The following NTAQ1 variants were observed in gnomAD, a reference collection of about 807,000 sequenced individuals.
The protein encoded by NTAQ1 is protein N-terminal glutamine amidohydrolase.
Under a neutral mutation model 28.2 loss-of-function variants are expected in NTAQ1, and 21 were observed. The observed-to-expected ratio is 0.74, with a 90% CI of 0.53 to 1.07. The LOEUF is 1.07. NTAQ1 is among the 50% of genes least tolerant of loss of function. The pLI is 0.00. For synonymous variants in NTAQ1, 105 were observed against 90.0 expected (o/e 1.17, Z -0.94); for missense variants, 264 against 256.6 (o/e 1.03, Z -0.20).
intron 1 of NTAQ1, among the ~76,000 whole-genome samples, chr8:123,422,475 C>CT (rs1269991204): frequency 6.6e-6 from 1 of 151,922 alleles, no homozygotes; most frequent in Non-Finnish European, 1.5e-5. Flanking sequence ...CAGGGTCTCT[C>CT]TATGTTGCCC....
intron 6 of NTAQ1, among the ~76,000 whole-genome samples, chr8:123,456,193 G>A (rs374266320): frequency 6.6e-6 from 1 of 152,146 alleles, no homozygotes; most frequent in Non-Finnish European, 1.5e-5. Context: ...TCTGACGGTT[G>A]TTGTATTTCT....
At chr8:123,440,499 CTTCT>C in intron 5 of NTAQ1, among the ~76,000 whole-genome samples, 1 of 114,760 alleles carries the variant, frequency 8.7e-6, no homozygotes, top group Non-Finnish European at 1.8e-5. Flanking sequence ...GCGTTCCTTT[CTTCT>C]TTTTTTTTTT....
At chr8:123,437,121 T>C in intron 4 of NTAQ1, 89 bp from the exon 5 acceptor site, 2 of 1,533,796 alleles carry the variant, frequency 1.3e-6, no homozygotes, top group East Asian at 2.3e-5. Context: ...GTTTTGTGCA[T>C]GTCATAGGAA....
intron 3 of NTAQ1, among the ~76,000 whole-genome samples, chr8:123,433,529 C>A (rs1814518751): frequency 6.6e-6 from 1 of 152,156 alleles, no homozygotes; most frequent in South Asian, 2.1e-4. Flanking sequence ...CTCAGTGCAA[C>A]CTCTGTCTCC....
chr8:123,471,894 T>G (rs939369151), downstream of NTAQ1, among the ~76,000 whole-genome samples: 1 of 152,190 alleles, frequency 6.6e-6, no homozygotes, highest in Admixed American at 6.5e-5. Flanking sequence ...CATGACCCAG[T>G]TAAGTTGACA....
chr8:123,462,957 A>C (rs1289486341), intron 6 of NTAQ1, among the ~76,000 whole-genome samples: 1 of 152,172 alleles, frequency 6.6e-6, no homozygotes, highest in African/African-American at 2.4e-5. Context: ...TCCCACTGTG[A>C]AGGGCATTTT....
intron 5 of NTAQ1, among the ~76,000 whole-genome samples, chr8:123,440,491 G>A (rs1407828272): frequency 8.6e-5 from 12 of 139,006 alleles, no homozygotes; most frequent in South Asian, 2.3e-4. Context: ...TGAGAGTAGC[G>A]TTCCTTTCTT....
intron 2 of NTAQ1, 91 bp from the exon 3 acceptor site, chr8:123,429,892 A>AAT: frequency 1.6e-6 from 1 of 632,128 alleles, no homozygotes; most frequent in Non-Finnish European, 2.4e-6. Context: ...AAAAAAAAAA[A>AAT]AAAAATCCCG....
intron 3 of NTAQ1, among the ~76,000 whole-genome samples, chr8:123,434,913 T>G (rs1362019339): frequency 6.6e-6 from 1 of 152,112 alleles, no homozygotes; most frequent in Non-Finnish European, 1.5e-5. Flanking sequence ...CATTTTTGAA[T>G]CTTTCTGTTT....
At chr8:123,429,947 A>G (rs13278992) in intron 2 of NTAQ1, 36 bp from the exon 3 acceptor site, 533,194 of 1,498,180 alleles carry the variant, frequency 0.36, 98,057 homozygotes, top group East Asian at 0.57. Context: ...TGGTTTAACT[A>G]AAGGTATGGC....
exon 7 of NTAQ1, among the ~76,000 whole-genome samples, chr8:123,468,908 G>A (rs2085333710): frequency 6.6e-6 from 1 of 152,156 alleles, no homozygotes; most frequent in African/African-American, 2.4e-5. Flanking sequence ...TTTCATAGTG[G>A]GCATCCTAAT....
intron 1 of NTAQ1, among the ~76,000 whole-genome samples, chr8:123,423,148 T>C (rs985816275): frequency 6.6e-6 from 1 of 152,112 alleles, no homozygotes; most frequent in African/African-American, 2.4e-5. Context: ...TTGGTGCATA[T>C]GAGTTTTAGA....
intron 6 of NTAQ1, among the ~76,000 whole-genome samples, chr8:123,457,785 G>A (rs895173210): frequency 5.3e-5 from 8 of 151,672 alleles, no homozygotes; most frequent in Admixed American, 3.3e-4. Context: ...TGTAATCCCA[G>A]CACTTTGGGA....
chr8:123,447,144 C>CG (rs1563900246), downstream of NTAQ1, among the ~76,000 whole-genome samples: 1 of 151,506 alleles, frequency 6.6e-6, no homozygotes, highest in African/African-American at 2.4e-5. Flanking sequence ...TATAAATATG[C>CG]TTTTTCACTG....
intron 6 of NTAQ1, among the ~76,000 whole-genome samples, chr8:123,453,782 A>G (rs1815572596): frequency 6.6e-6 from 1 of 152,216 alleles, no homozygotes; most frequent in African/African-American, 2.4e-5. Flanking sequence ...AAACAACAAT[A>G]TAAGGTAGAT....
chr8:123,433,159 C>G (rs1814500268), intron 3 of NTAQ1, among the ~76,000 whole-genome samples: 1 of 152,196 alleles, frequency 6.6e-6, no homozygotes. Flanking sequence ...GAGGCCGCTG[C>G]TCAAGCCTGC....
intron 6 of NTAQ1, among the ~76,000 whole-genome samples, chr8:123,464,785 C>T (rs1317848081): frequency 2.0e-5 from 3 of 152,182 alleles, no homozygotes; most frequent in South Asian, 2.1e-4. Flanking sequence ...CTGTGGCTCA[C>T]GCCTGTAATC....
rs147125570 is a variant in NTAQ1 at position 123,454,147 on chromosome 8, C to G, written c.372+12798C>G. On this transcript the variant is annotated intron_variant, in intron 6 of 6. Transcript: ENST00000650311. ...ATAAATGTCAAACTTGTTAAAAAGG[C>G]AAATGTCCAGAACCTCCCTGAGTGG... Among the ~76,000 whole-genome samples the G allele has an allele frequency of 9.9e-5, 15 of 152,252 alleles. No individual in the cohort carries two copies. In the East Asian group the frequency reaches 2.9e-3, roughly 29 times the overall value.
intron 3 of NTAQ1, among the ~76,000 whole-genome samples, chr8:123,432,449 C>T (rs1316671306): frequency 1.3e-5 from 2 of 152,010 alleles, no homozygotes; most frequent in South Asian, 2.1e-4. Context: ...AGACCAGCCT[C>T]ATCAACATGG....
Sources: gnomAD v4.1 joint callset for allele counts (sites outside exome capture counted in the v4.1 genomes callset) on GRCh38, gnomAD v4.1.1 for gene constraint, MANE v1.5 for transcripts, NCBI Gene and HGNC (gene_info 2026-07-23, HGNC 2026-07-21) for gene names.